Variants in PTPRD observed in about 807,000 individuals in gnomAD.
The protein encoded by PTPRD is receptor-type tyrosine-protein phosphatase delta.
PTPRD carries 34 observed loss-of-function variants against 214.5 expected under a neutral mutation model. The observed-to-expected ratio is 0.16, with a 90% CI of 0.12 to 0.21. The LOEUF (loss-of-function observed/expected upper bound fraction) is 0.21, where lower values mean the gene tolerates loss of function less well. Among genes scored for constraint, PTPRD ranks in the 10% least tolerant of loss-of-function variants. The probability of loss-of-function intolerance (pLI) is 1.00; values close to 1 mark genes in which losing one functional copy is unlikely to be tolerated. For synonymous variants in PTPRD, 1,128 were observed against 845.7 expected (o/e 1.33, Z -5.79); for missense variants, 2,545 against 2,398.7 (o/e 1.06, Z -1.27).
At chr9:10,560,236 T>C (rs954301075) in intron 2 of PTPRD, among the ~76,000 whole-genome samples, 6 of 152,058 alleles carry the variant, frequency 3.9e-5, no homozygotes, top group African/African-American at 1.4e-4. Context: ...CCATAAAAAA[T>C]GATGAGTTCA....
intron 2 of PTPRD, among the ~76,000 whole-genome samples, chr9:10,452,690 A>G (rs1588495315): frequency 6.6e-6 from 1 of 151,738 alleles, no homozygotes; most frequent in Non-Finnish European, 1.5e-5. Flanking sequence ...TTTGTTAGCT[A>G]TTGAGTTGTA....
chr9:9,010,762 T>C (rs2099508471), intron 11 of PTPRD, among the ~76,000 whole-genome samples: 1 of 152,148 alleles, frequency 6.6e-6, no homozygotes, highest in South Asian at 2.1e-4. Context: ...CTCTCCTCTA[T>C]TAAGAACACT....
At chr9:10,579,312 C>T (rs780248373) in intron 2 of PTPRD, among the ~76,000 whole-genome samples, 4 of 152,106 alleles carry the variant, frequency 2.6e-5, no homozygotes, top group Non-Finnish European at 4.4e-5. Flanking sequence ...TTGTTCCCAT[C>T]TTTATGTCCA....
intron 4 of PTPRD, among the ~76,000 whole-genome samples, chr9:9,997,016 G>A (rs1435097877): frequency 6.6e-6 from 1 of 152,132 alleles, no homozygotes; most frequent in Non-Finnish European, 1.5e-5. Context: ...AGAAGCCCAG[G>A]CATTGAATTT....
chr9:8,632,676 A>T (rs1162417500), intron 14 of PTPRD, among the ~76,000 whole-genome samples: 2 of 151,984 alleles, frequency 1.3e-5, no homozygotes, highest in Non-Finnish European at 2.9e-5. Context: ...CTACAAACTG[A>T]ACACACTGTA....
At chr9:9,632,227 A>T (rs2095617432) in intron 7 of PTPRD, among the ~76,000 whole-genome samples, 1 of 152,234 alleles carries the variant, frequency 6.6e-6, no homozygotes, top group African/African-American at 2.4e-5. Flanking sequence ...CAAAAGTGAT[A>T]AAGTATGAAT....
intron 2 of PTPRD, among the ~76,000 whole-genome samples, chr9:10,469,403 G>C (rs564776175): frequency 1.3e-5 from 2 of 152,236 alleles, no homozygotes; most frequent in South Asian, 4.1e-4. Context: ...AAGATGTGCA[G>C]AAGCAGAGAG....
At chr9:8,974,447 T>C (rs1379522873) in intron 11 of PTPRD, among the ~76,000 whole-genome samples, 7 of 152,092 alleles carry the variant, frequency 4.6e-5, no homozygotes, top group Admixed American at 2.6e-4. Context: ...GTGCAGAACA[T>C]GCAGCTTTGT....
chr9:8,948,507 A>ATATATATATT (rs1567183582), intron 11 of PTPRD, among the ~76,000 whole-genome samples: 288 of 13,552 alleles, frequency 0.021, 44 homozygotes, highest in Non-Finnish European at 0.031. Flanking sequence ...ATATATATTT[A>ATATATATATT]TATATATATA....
intron 10 of PTPRD, among the ~76,000 whole-genome samples, chr9:9,139,121 C>T (rs1358767578): frequency 4.0e-5 from 6 of 150,546 alleles, no homozygotes; most frequent in African/African-American, 9.7e-5. Flanking sequence ...CCACCTTATC[C>T]GTGGGGGATA....
chr9:8,353,963 T>TATATATATATATATA (rs1564203469), intron 39 of PTPRD, among the ~76,000 whole-genome samples: 2 of 51,252 alleles, frequency 3.9e-5, no homozygotes, highest in African/African-American at 8.0e-5. Context: ...TATATATATA[T>TATATATATATATATA]GTTTTTTTTT....
intron 8 of PTPRD, among the ~76,000 whole-genome samples, chr9:9,469,859 A>G (rs565151845): frequency 6.6e-5 from 10 of 152,292 alleles, no homozygotes; most frequent in African/African-American, 2.4e-4. Context: ...CATATGTCCA[A>G]TGAGGGGTCA....
chr9:10,227,931 C>A (rs1015617640), intron 3 of PTPRD, among the ~76,000 whole-genome samples: 2 of 151,942 alleles, frequency 1.3e-5, no homozygotes, highest in African/African-American at 4.8e-5. Context: ...TAATCTCTAA[C>A]TACTCAAAAC....
chr9:9,587,037 T>C (rs920666186), intron 7 of PTPRD, among the ~76,000 whole-genome samples: 2 of 151,868 alleles, frequency 1.3e-5, no homozygotes, highest in Non-Finnish European at 2.9e-5. Flanking sequence ...TTGAAAAATA[T>C]GAGAGGAGGA....
At chr9:8,879,460 A>G (rs2098423602) in intron 11 of PTPRD, among the ~76,000 whole-genome samples, 1 of 152,118 alleles carries the variant, frequency 6.6e-6, no homozygotes, top group African/African-American at 2.4e-5. Flanking sequence ...GCAAAACACT[A>G]GAAGCACAAT....
intron 5 of PTPRD, among the ~76,000 whole-genome samples, chr9:9,842,668 T>C (rs1330305830): frequency 6.6e-6 from 1 of 150,534 alleles, no homozygotes; most frequent in African/African-American, 2.4e-5. Flanking sequence ...TCTAAAAAAG[T>C]TGTTTTTTTT....
At chr9:9,310,548 G>A (rs985612236) in intron 9 of PTPRD, among the ~76,000 whole-genome samples, 1 of 152,118 alleles carries the variant, frequency 6.6e-6, no homozygotes, top group East Asian at 1.9e-4. Flanking sequence ...AAGGCAGAAA[G>A]AAATACTTTA....
chr9:8,815,624 CT>C (rs547408047), intron 11 of PTPRD, among the ~76,000 whole-genome samples: 71 of 152,276 alleles, frequency 4.7e-4, no homozygotes, highest in Admixed American at 1.8e-3. Context: ...GTGTTGCAAT[CT>C]TTAAAATATT....
At chr9:8,331,795 G>C (rs1841433505) in intron 43 of PTPRD, 59 bp from the exon 44 acceptor site, 5 of 1,502,174 alleles carry the variant, frequency 3.3e-6, no homozygotes, top group Middle Eastern at 2.2e-4. Flanking sequence ...GATTCAGCAA[G>C]CATACGGACC....
Sources: allele counts gnomAD v4.1 joint callset (sites outside exome capture counted in the v4.1 genomes callset), GRCh38; gene constraint gnomAD v4.1.1; transcripts MANE v1.5; gene names NCBI Gene and HGNC (gene_info 2026-07-23, HGNC 2026-07-21).